The following UTRN variants were observed in gnomAD, a reference collection of about 807,000 sequenced individuals.
UTRN encodes dystrophin-related protein 1.
In UTRN, 283 loss-of-function variants were observed where a neutral mutation model predicts 463.9. The ratio of observed to expected loss-of-function variants is 0.61; its 90% CI spans 0.55 to 0.67. The LOEUF (loss-of-function observed/expected upper bound fraction) is 0.67, where lower values mean the gene tolerates loss of function less well. UTRN is among the 30% of genes least tolerant of loss of function. UTRN has a pLI of 0.00. For missense variants in UTRN, 3,922 were observed against 4,084.3 expected, an observed-to-expected ratio of 0.96 and a Z score of 1.08; for synonymous variants, 1,442 against 1,431.5, an observed-to-expected ratio of 1.01 and a Z score of -0.17.
At chr6:144,824,712 C>T (rs76048359) in intron 66 of UTRN, among the ~76,000 whole-genome samples, 9,794 of 137,112 alleles carry the variant, frequency 0.071, 511 homozygotes, top group Non-Finnish European at 0.11. Flanking sequence ...ATTGCAGCCT[C>T]GACCTCCCAG....
intron 19 of UTRN, among the ~76,000 whole-genome samples, chr6:144,454,379 T>A (rs1375598963): frequency 1.3e-5 from 2 of 152,094 alleles, no homozygotes; most frequent in Admixed American, 1.3e-4. Context: ...CCCAAGACTT[T>A]TTTTTTTGCT....
At chr6:144,419,720 G>A (rs972009241) in intron 3 of UTRN, among the ~76,000 whole-genome samples, 41 of 152,184 alleles carry the variant, frequency 2.7e-4, no homozygotes, top group African/African-American at 9.7e-4. Flanking sequence ...TCAAGGGTCA[G>A]CTCCTGTCTG....
At chr6:144,384,233 C>G (rs1781202088) in intron 2 of UTRN, among the ~76,000 whole-genome samples, 1 of 152,180 alleles carries the variant, frequency 6.6e-6, no homozygotes, top group Non-Finnish European at 1.5e-5. Flanking sequence ...CAGGTCGCTA[C>G]TAGTCTGTTG....
chr6:144,819,757 G>C lies in UTRN; in HGVS notation c.9358-1125G>C, dbSNP rs754252519. ...TGTGAGTCCTGGGCATGCATGTTGT[G>C]AAGGAAAAGCTGAAGGGCAGGGACA... On this transcript the variant is annotated intron_variant, in intron 65 of 74. Transcript: ENST00000367545. 1.3e-5 allele frequency among the ~76,000 whole-genome samples: 2 copies of C among 152,304 alleles called. 1 individual carries two copies. Among genetic ancestry groups the C allele is most frequent in the Admixed American group, 1.3e-4 (2 of 15,298 alleles).
chr6:144,571,650 A>G (rs1585332763), intron 50 of UTRN, among the ~76,000 whole-genome samples: 1 of 152,172 alleles, frequency 6.6e-6, no homozygotes, highest in East Asian at 1.9e-4. Context: ...CAGTGTTGAC[A>G]TTATTTTGCT....
At chr6:144,532,213 G>C (rs1405984443) in intron 42 of UTRN, among the ~76,000 whole-genome samples, 1 of 152,090 alleles carries the variant, frequency 6.6e-6, no homozygotes, top group Non-Finnish European at 1.5e-5. Context: ...GTTTAAATTT[G>C]ACTTGAAAAT....
intron 35 of UTRN, among the ~76,000 whole-genome samples, chr6:144,513,353 C>G (rs182332637): frequency 6.6e-6 from 1 of 152,294 alleles, no homozygotes; most frequent in East Asian, 1.9e-4. Flanking sequence ...GAGATCAAGA[C>G]TTCCTGGCCA....
intron 58 of UTRN, among the ~76,000 whole-genome samples, chr6:144,761,670 T>A (rs1562875038): frequency 2.0e-5 from 3 of 151,560 alleles, no homozygotes; most frequent in Non-Finnish European, 4.4e-5. Context: ...ATAATAATAA[T>A]AAATAAAGAG....
chr6:144,508,291 A>G (rs1016676037), intron 34 of UTRN, among the ~76,000 whole-genome samples: 5 of 152,054 alleles, frequency 3.3e-5, no homozygotes, highest in Non-Finnish European at 7.4e-5. Context: ...GGTGTGAAAA[A>G]AAACAAACAA....
At chr6:144,806,502 T>A (rs1326861911) in intron 65 of UTRN, among the ~76,000 whole-genome samples, 1 of 152,210 alleles carries the variant, frequency 6.6e-6, no homozygotes, top group Non-Finnish European at 1.5e-5. Flanking sequence ...GAAATATATG[T>A]AAATTGAATC....
chr6:144,401,118 A>G (rs912234068), intron 2 of UTRN, among the ~76,000 whole-genome samples: 10 of 152,208 alleles, frequency 6.6e-5, no homozygotes, highest in Non-Finnish European at 1.5e-4. Context: ...TTCCATTTTT[A>G]TGGCCCCAAA....
At chr6:144,773,717 A>C (rs1453986810) in intron 59 of UTRN, among the ~76,000 whole-genome samples, 1 of 152,222 alleles carries the variant, frequency 6.6e-6, no homozygotes, top group Non-Finnish European at 1.5e-5. Context: ...AGGGAATTCC[A>C]GCAAGGCCTA....
chr6:144,816,708 C>T (rs981107843), intron 65 of UTRN, among the ~76,000 whole-genome samples: 3 of 146,894 alleles, frequency 2.0e-5, no homozygotes, highest in Admixed American at 6.8e-5. Context: ...ACTGCAGGCA[C>T]GTGCTGTCAT....
intron 23 of UTRN, among the ~76,000 whole-genome samples, chr6:144,463,997 A>G (rs1447912858): frequency 6.6e-6 from 1 of 151,340 alleles, no homozygotes; most frequent in Non-Finnish European, 1.5e-5. Context: ...TACAATATAT[A>G]TATCTACATA....
At chr6:144,445,937 G>A (rs757937922) in intron 14 of UTRN, among the ~76,000 whole-genome samples, 19 of 152,044 alleles carry the variant, frequency 1.2e-4, no homozygotes, top group Non-Finnish European at 2.1e-4. Context: ...ATGGAGGCAG[G>A]AGAATTGCTT....
At chr6:144,780,887 A>G (rs1775769678) in intron 60 of UTRN, among the ~76,000 whole-genome samples, 1 of 152,030 alleles carries the variant, frequency 6.6e-6, no homozygotes, top group Non-Finnish European at 1.5e-5. Flanking sequence ...TTCTTTCCTC[A>G]CTTCATGTGG....
At chr6:144,301,536 CTTTTTTTT>C (rs200484231) in intron 2 of UTRN, among the ~76,000 whole-genome samples, 6 of 92,738 alleles carry the variant, frequency 6.5e-5, no homozygotes, top group Non-Finnish European at 1.3e-4. Context: ...TTCTTTCTTT[CTTTTTTTT>C]TTTTTTTTTT....
chr6:144,697,376 T>C (rs1039345186), intron 52 of UTRN, among the ~76,000 whole-genome samples: 14 of 152,182 alleles, frequency 9.2e-5, no homozygotes, highest in African/African-American at 3.4e-4. Flanking sequence ...AAAATGCTTA[T>C]AGGATAATTG....
Position 144,672,355 on chromosome 6 carries a change from A to G in UTRN, c.7480-6051A>G, listed in dbSNP as rs1489662331. Among the ~76,000 whole-genome samples the G allele has an allele frequency of 4.6e-5, 7 of 150,728 alleles. No homozygotes were observed. The East Asian group carries it at 1.4e-3, about 29-fold the overall frequency. ...TGCTGCTTGTTACTAGTCTATTCCG[A>G]GTTTCTCTTTCTTCCTGGTTTAATT... On this transcript the variant is annotated intron_variant, in intron 51 of 74. Coordinates refer to ENST00000367545, the MANE Select transcript of UTRN (RefSeq NM_007124.3).
Sources: gnomAD v4.1 joint callset for allele counts (sites outside exome capture counted in the v4.1 genomes callset) on GRCh38, gnomAD v4.1.1 for gene constraint, MANE v1.5 for transcripts, NCBI Gene and HGNC (gene_info 2026-07-23, HGNC 2026-07-21) for gene names.